DHX32: variants seen among roughly 807,000 people sequenced by gnomAD.
DHX32 encodes DEAH-box helicase 32 (putative), also known as putative pre-mRNA-splicing factor ATP-dependent RNA helicase DHX32.
In DHX32, 51 loss-of-function variants were observed where a neutral mutation model predicts 70.0. That is an observed-to-expected ratio of 0.73 (90% CI 0.58 to 0.92). DHX32 has a LOEUF of 0.92. DHX32 is among the 40% of genes least tolerant of loss of function. DHX32 has a pLI of 0.00. For synonymous variants in DHX32, 310 were observed against 315.3 expected (o/e 0.98, Z 0.18); for missense variants, 762 against 891.8 (o/e 0.85, Z 1.85).
At chr10:125,855,995 G>T (rs1944144240) in intron 3 of DHX32, among the ~76,000 whole-genome samples, 1 of 152,168 alleles carries the variant, frequency 6.6e-6, no homozygotes, top group African/African-American at 2.4e-5. Context: ...AAGGGAAAAA[G>T]CAGAGCAAAA....
upstream of DHX32, among the ~76,000 whole-genome samples, chr10:125,884,716 C>T (rs970525826): frequency 3.9e-5 from 6 of 151,980 alleles, no homozygotes; most frequent in Non-Finnish European, 7.4e-5. Context: ...GTTTGTAAGG[C>T]ATTAAGTGAA....
chr10:125,875,885 A>G (rs1342895861), intron 1 of DHX32, among the ~76,000 whole-genome samples: 1 of 152,226 alleles, frequency 6.6e-6, no homozygotes, highest in Non-Finnish European at 1.5e-5. Context: ...AAAACTAATG[A>G]AAGGACACCA....
At chr10:125,859,321 G>C (rs928885324) in intron 3 of DHX32, among the ~76,000 whole-genome samples, 1 of 152,192 alleles carries the variant, frequency 6.6e-6, no homozygotes, top group Non-Finnish European at 1.5e-5. Context: ...AATAGAGCCA[G>C]CTGTGCCTTT....
intron 1 of DHX32, among the ~76,000 whole-genome samples, chr10:125,895,040 G>A (rs766055242): frequency 5.9e-5 from 9 of 152,302 alleles, no homozygotes; most frequent in Non-Finnish European, 1.2e-4. Context: ...TATGTGTTCT[G>A]TATATATCAC....
At chr10:125,857,999 A>C (rs1944159550) in intron 3 of DHX32, among the ~76,000 whole-genome samples, 1 of 151,328 alleles carries the variant, frequency 6.6e-6, no homozygotes, top group East Asian at 1.9e-4. Flanking sequence ...TCCTTAGTTC[A>C]AGCAATCCTC....
chr10:125,841,211 A>G, intron 7 of DHX32: 1 of 1,579,068 alleles, frequency 6.3e-7, no homozygotes, highest in Non-Finnish European at 8.7e-7. Flanking sequence ...TTGCTTTTCT[A>G]AGGTCAACTG....
chr10:125,883,430 C>T (rs553806877), upstream of DHX32, among the ~76,000 whole-genome samples: 38 of 152,288 alleles, frequency 2.5e-4, no homozygotes, highest in African/African-American at 8.4e-4. Context: ...TTGAAACACT[C>T]CTCTTTAGAA....
At chr10:125,841,673 A>C in intron 7 of DHX32, 70 bp downstream of exon 7, 1 of 1,554,074 alleles carries the variant, frequency 6.4e-7, no homozygotes, top group Non-Finnish European at 8.6e-7. Flanking sequence ...ATAATTTCAA[A>C]TGGATCCGAT....
chr10:125,884,088 T>C (rs1194564563), upstream of DHX32, among the ~76,000 whole-genome samples: 2 of 152,224 alleles, frequency 1.3e-5, no homozygotes, highest in Non-Finnish European at 2.9e-5. Context: ...TTATAGACTC[T>C]GGAACATCTA....
intron 6 of DHX32, among the ~76,000 whole-genome samples, chr10:125,849,873 G>A (rs1205586089): frequency 6.6e-6 from 1 of 152,176 alleles, no homozygotes; most frequent in African/African-American, 2.4e-5. Flanking sequence ...GGCTTTTAGT[G>A]TGGTAAATAC....
At chr10:125,843,202 G>A (rs892057551) in intron 6 of DHX32, among the ~76,000 whole-genome samples, 12 of 152,060 alleles carry the variant, frequency 7.9e-5, no homozygotes, top group African/African-American at 2.9e-4. Flanking sequence ...AGTGCAAGGT[G>A]GGCAGGGGCT....
At chr10:125,876,167 T>C (rs998858094) in intron 1 of DHX32, among the ~76,000 whole-genome samples, 6 of 152,198 alleles carry the variant, frequency 3.9e-5, no homozygotes, top group African/African-American at 1.4e-4. Context: ...ACCTCTGTGA[T>C]TGCATCCTCA....
rs574162506 is a variant in DHX32 at position 125,838,194 on chromosome 10, C to T, written c.2063+12G>A. The T allele has an allele frequency of 2.1e-5, 33 of 1,568,322 alleles. No individual in the cohort carries two copies. In the South Asian group the frequency reaches 3.4e-4, roughly 16 times the overall value. On this transcript the variant is annotated intron_variant, in intron 10 of 10. Transcript: ENST00000284690. ...AAAAAAAATACAACCCTTTCTTCTC[C>T]ATTAAACTTACAGTTCAGGAGAGAT... is the stretch of plus-strand genomic sequence containing the variant.
At chr10:125,880,509 A>T (rs1225958584) in intron 1 of DHX32, 34 bp downstream of exon 1, 2 of 1,545,096 alleles carry the variant, frequency 1.3e-6, no homozygotes, top group East Asian at 4.5e-5. Context: ...AAATCAACAC[A>T]TACAGCAAAT....
intron 1 of DHX32, among the ~76,000 whole-genome samples, chr10:125,870,954 G>A (rs1944252361): frequency 1.3e-5 from 2 of 152,234 alleles, no homozygotes; most frequent in Non-Finnish European, 2.9e-5. Flanking sequence ...AATCGTTGCT[G>A]AAATAATACT....
chr10:125,894,198 G>C (rs142783247), intron 1 of DHX32, among the ~76,000 whole-genome samples: 2,475 of 151,862 alleles, frequency 0.016, 25 homozygotes, highest in South Asian at 0.033. Context: ...ACTCCAAAAA[G>C]GTAGAGTGTC....
chr10:125,841,810 C>G lies in DHX32; in HGVS notation c.1476G>C (p.Lys492Asn). Residue 492 changes from lysine (K) to asparagine (N), a missense_variant, in exon 7 of 11, where the codon AAG (lysine) becomes AAC (asparagine). Physicochemically the swap from Lys to Asn is moderately conservative, Grantham distance 94. Around this residue, in one of 3 missense-constraint regions of DHX32, gnomAD observed 366 missense variants for 402.6 expected, o/e 0.91. Coordinates refer to ENST00000284690, the MANE Select transcript of DHX32 (RefSeq NM_018180.3). ...CAAATTCACAGGACGCTAAGATAGACTTCGAGAGTTGTGGATCAAGAGGAA... is the reference window on the plus strand; with the variant it reads ...CAAATTCACAGGACGCTAAGATAGAGTTCGAGAGTTGTGGATCAAGAGGAA... The part of the protein sequence containing the change: ...SEFPLDPQLS[K>N]SILASCEFDC... The G allele has an allele frequency of 6.2e-7, 1 of 1,613,716 alleles. No homozygotes were observed. The highest frequency in any genetic ancestry group is 1.1e-5 in the South Asian group (1 of 90,836).
upstream of DHX32, among the ~76,000 whole-genome samples, chr10:125,882,698 A>G (rs1944324716): frequency 6.6e-6 from 1 of 152,228 alleles, no homozygotes; most frequent in Admixed American, 6.5e-5. Flanking sequence ...TTACAAAGGC[A>G]TAATAGAAAT....
chr10:125,868,735 A>G (rs1944237736), intron 1 of DHX32, among the ~76,000 whole-genome samples: 1 of 152,238 alleles, frequency 6.6e-6, no homozygotes, highest in Non-Finnish European at 1.5e-5. Context: ...GTTCCATGTA[A>G]ACCACAAATT....
Sources: allele counts gnomAD v4.1 joint callset (sites outside exome capture counted in the v4.1 genomes callset), GRCh38; gene constraint gnomAD v4.1.1; regional missense constraint gnomAD v4.1.1; transcripts MANE v1.5; gene names NCBI Gene and HGNC (gene_info 2026-07-23, HGNC 2026-07-21).